Variants in AOAH observed in about 807,000 individuals in gnomAD.
AOAH encodes acyloxyacyl hydrolase (neutrophil).
AOAH carries 64 observed loss-of-function variants against 92.2 expected under a neutral mutation model. The ratio of observed to expected loss-of-function variants is 0.69; its 90% CI spans 0.57 to 0.86. The LOEUF is 0.86. AOAH is among the 40% of genes least tolerant of loss of function. AOAH has a pLI of 0.00. For missense variants in AOAH, 656 were observed against 694.6 expected (o/e 0.94, Z 0.62); for synonymous variants, 263 against 254.5 (o/e 1.03, Z -0.32).
chr7:36,522,328 G>A (rs951357951), intron 19 of AOAH, among the ~76,000 whole-genome samples: 1 of 152,260 alleles, frequency 6.6e-6, no homozygotes, highest in Admixed American at 6.5e-5. Context: ...AAGGGAATAC[G>A]TGAGAGCATT....
At chr7:36,706,421 G>A (rs1472053940) in intron 1 of AOAH, among the ~76,000 whole-genome samples, 1 of 152,066 alleles carries the variant, frequency 6.6e-6, no homozygotes, top group Admixed American at 6.6e-5. Context: ...CGTTATCCAA[G>A]TTTTATTGTT....
At chr7:36,685,954 C>T (rs1167076783) in intron 2 of AOAH, among the ~76,000 whole-genome samples, 3 of 151,976 alleles carry the variant, frequency 2.0e-5, no homozygotes, top group Non-Finnish European at 2.9e-5. Flanking sequence ...GATACAATTG[C>T]CATTATTCCA....
chr7:36,702,177 TAAGAG>T (rs1297210071), intron 1 of AOAH, among the ~76,000 whole-genome samples: 1 of 147,574 alleles, frequency 6.8e-6, no homozygotes, highest in African/African-American at 2.4e-5. Context: ...TGAAGTAAAG[TAAGAG>T]AAGTGTTTGT....
At chr7:36,636,964 G>A (rs142182815) in intron 5 of AOAH, among the ~76,000 whole-genome samples, 103 of 152,290 alleles carry the variant, frequency 6.8e-4, no homozygotes, top group African/African-American at 2.3e-3. Context: ...AGCCAAGGAC[G>A]AGGTCTTTGC....
chr7:36,515,523 C>CACAA (rs761057880), intron 20 of AOAH, among the ~76,000 whole-genome samples: 19 of 124,638 alleles, frequency 1.5e-4, no homozygotes, highest in African/African-American at 3.1e-4. Flanking sequence ...AAACACCACA[C>CACAA]ACACCACACC....
At position 36,711,436 on chromosome 7, in the gene AOAH, C is replaced by T. The variant is rs575859350; in HGVS notation, c.127+12586G>A. Among the ~76,000 whole-genome samples the T allele has an allele frequency of 7.2e-5, 11 of 152,188 alleles. No individual in the cohort carries two copies. In the East Asian group the frequency reaches 2.1e-3, roughly 29 times the overall value. On this transcript the variant is annotated intron_variant, in intron 1 of 20. Coordinates refer to ENST00000617537, the MANE Select transcript of AOAH (RefSeq NM_001637.4). ...TCATGGATTCTTTCGGTATTGCTCA[C>T]TGTGTGACCTTTCCCCAAAGTCACA...
intron 1 of AOAH, among the ~76,000 whole-genome samples, chr7:36,690,377 T>A (rs1394980574): frequency 1.3e-5 from 2 of 152,184 alleles, no homozygotes; most frequent in Non-Finnish European, 2.9e-5. Context: ...TCTGGAGTCC[T>A]GCTCATTCAG....
At chr7:36,514,464 A>T (rs985129754) in intron 20 of AOAH, 1 of 1,529,818 alleles carries the variant, frequency 6.5e-7, no homozygotes, top group Admixed American at 2.0e-5. Flanking sequence ...TCCCAGCCTG[A>T]GGCTTACTCT....
intron 19 of AOAH, 52 bp from the exon 20 acceptor site, chr7:36,522,167 C>T: frequency 6.4e-7 from 1 of 1,568,396 alleles, no homozygotes; most frequent in Non-Finnish European, 8.8e-7. Flanking sequence ...AAGCAACGGC[C>T]AATATCCAAG....
At chr7:36,616,100 G>C (rs1218305221) in intron 11 of AOAH, among the ~76,000 whole-genome samples, 1 of 152,174 alleles carries the variant, frequency 6.6e-6, no homozygotes, top group African/African-American at 2.4e-5. Flanking sequence ...AAGCCGGCCC[G>C]GTGGGCTTTG....
In AOAH at chr7:36,614,840, C is replaced by G. The variant is rs1415333514; in HGVS notation, c.846+1540G>C. Among the ~76,000 whole-genome samples the G allele has an allele frequency of 2.0e-5, 3 of 152,192 alleles. No individual in the cohort carries two copies. The highest frequency in any genetic ancestry group is 1.3e-4 in the Admixed American group (2 of 15,284). ...ATGTTCCAGCACAGAGGTTTGAAGA[C>G]TTTTGGGGGTCACCTGACTGCTGTG... On this transcript the variant is annotated intron_variant, in intron 11 of 20. Transcript: ENST00000617537. This position sits in a 1 kb window ranked among gnomAD's most constrained non-coding sequence, Gnocchi z 4.2.
chr7:36,699,551 T>C (rs1432703996), intron 1 of AOAH, among the ~76,000 whole-genome samples: 1 of 152,102 alleles, frequency 6.6e-6, no homozygotes, highest in Non-Finnish European at 1.5e-5. Context: ...GTTGAGAATG[T>C]TTTTCATCTA....
chr7:36,664,879 A>T (rs1795446646), intron 3 of AOAH, among the ~76,000 whole-genome samples: 1 of 152,202 alleles, frequency 6.6e-6, no homozygotes, highest in African/African-American at 2.4e-5. Context: ...GTATCACATG[A>T]AGAATGAAGA....
At chr7:36,570,250 T>C (rs1409706232) in intron 13 of AOAH, among the ~76,000 whole-genome samples, 2 of 150,764 alleles carry the variant, frequency 1.3e-5, no homozygotes, top group Non-Finnish European at 3.0e-5. Context: ...CTCATGTAAG[T>C]GGAATCCGGC....
At chr7:36,605,939 A>G (rs1019030719) in intron 11 of AOAH, among the ~76,000 whole-genome samples, 2 of 152,224 alleles carry the variant, frequency 1.3e-5, no homozygotes, top group Non-Finnish European at 2.9e-5. Context: ...AGAAGTAACT[A>G]GGATTGAGGT....
intron 1 of AOAH, among the ~76,000 whole-genome samples, chr7:36,713,186 G>T (rs190163813): frequency 0.016 from 2,371 of 152,188 alleles, 50 homozygotes; most frequent in African/African-American, 0.052. Flanking sequence ...AATCCTAGTC[G>T]CTGATAAAAC....
At chr7:36,690,720 T>C (rs1419540867) in intron 1 of AOAH, among the ~76,000 whole-genome samples, 1 of 152,178 alleles carries the variant, frequency 6.6e-6, no homozygotes, top group African/African-American at 2.4e-5. Flanking sequence ...GTGGTCACCA[T>C]CTGAAATCTC....
chr7:36,631,900 A>T (rs962041114), intron 6 of AOAH, 136 bp downstream of exon 6: 21 of 673,620 alleles, frequency 3.1e-5, no homozygotes, highest in Non-Finnish European at 5.4e-5. Flanking sequence ...TTTCTGTGCA[A>T]TGTTTTGAGA....
chr7:36,613,180 T>C (rs1041346223), intron 11 of AOAH, among the ~76,000 whole-genome samples: 1 of 152,204 alleles, frequency 6.6e-6, no homozygotes, highest in Non-Finnish European at 1.5e-5. Context: ...GTGAGAACAA[T>C]AGCTTGCCAT....
Sources: allele counts gnomAD v4.1 joint callset (sites outside exome capture counted in the v4.1 genomes callset), GRCh38; gene constraint gnomAD v4.1.1; non-coding constraint Gnocchi (gnomAD v3.1); transcripts MANE v1.5; gene names NCBI Gene and HGNC (gene_info 2026-07-23, HGNC 2026-07-21).